STAM: variants seen among roughly 807,000 people sequenced by gnomAD.
STAM encodes the protein signal transducing adaptor molecule.
Under a neutral mutation model 63.4 loss-of-function variants are expected in STAM, and 16 were observed. That is an observed-to-expected ratio of 0.25 (90% CI 0.17 to 0.38). The LOEUF is 0.38. Among genes scored for constraint, STAM ranks in the 10% least tolerant of loss-of-function variants. STAM has a pLI of 1.00. For synonymous variants in STAM, 238 were observed against 223.9 expected (o/e 1.06, Z -0.56); for missense variants, 636 against 657.1 (o/e 0.97, Z 0.35).
chr10:17,678,218 C>T (rs1205447524), intron 2 of STAM, among the ~76,000 whole-genome samples: 3 of 151,836 alleles, frequency 2.0e-5, no homozygotes, highest in African/African-American at 4.8e-5. Flanking sequence ...TGGAGCTCTG[C>T]AATACATGTT....
chr10:17,647,780 T>A (rs1833575867), intron 1 of STAM, among the ~76,000 whole-genome samples: 1 of 152,210 alleles, frequency 6.6e-6, no homozygotes, highest in Admixed American at 6.5e-5. Flanking sequence ...AGTAAGATTT[T>A]AAAAAGAACC....
chr10:17,682,624 T>G (rs1346778081), intron 2 of STAM, among the ~76,000 whole-genome samples: 1 of 152,234 alleles, frequency 6.6e-6, no homozygotes, highest in African/African-American at 2.4e-5. Flanking sequence ...TTGTATGACT[T>G]TAGTCCTTTT....
chr10:17,663,316 A>T (rs549206283), intron 2 of STAM, among the ~76,000 whole-genome samples: 1 of 152,072 alleles, frequency 6.6e-6, no homozygotes, highest in African/African-American at 2.4e-5. Flanking sequence ...TTTATCCAGT[A>T]TCAATAGGTT....
At chr10:17,691,556 A>G (rs1210789210) in intron 5 of STAM, among the ~76,000 whole-genome samples, 1 of 152,202 alleles carries the variant, frequency 6.6e-6, no homozygotes, top group African/African-American at 2.4e-5. Flanking sequence ...TTGTTTGACA[A>G]CACGAAATCC....
intron 2 of STAM, among the ~76,000 whole-genome samples, chr10:17,665,927 G>A (rs1834356516): frequency 1.3e-5 from 2 of 152,104 alleles, no homozygotes; most frequent in Admixed American, 6.6e-5. Flanking sequence ...AGCCAATTAG[G>A]TCATATGATG....
intron 12 of STAM, among the ~76,000 whole-genome samples, chr10:17,708,084 G>A (rs1332082343): frequency 6.6e-6 from 1 of 152,098 alleles, no homozygotes; most frequent in Non-Finnish European, 1.5e-5. Context: ...TAGAGACGGG[G>A]TTTCACTGTG....
chr10:17,670,068 A>T (rs1834574508), intron 2 of STAM, among the ~76,000 whole-genome samples: 1 of 151,844 alleles, frequency 6.6e-6, no homozygotes, highest in Non-Finnish European at 1.5e-5. Context: ...GGATTATAGC[A>T]TCTGTGTATC....
rs1346734418 is a variant in STAM at position 17,716,634 on chromosome 10, T to C, written c.*1854T>C. 1.3e-5 allele frequency among the ~76,000 whole-genome samples: 2 copies of C among 152,230 alleles called. No individual in the cohort carries two copies. Among genetic ancestry groups the C allele is most frequent in the South Asian group, 2.1e-4 (1 of 4,836 alleles). On this transcript the variant is annotated 3_prime_UTR_variant, in exon 14 of 14. Transcript: ENST00000377524. Reference sequence around the variant, plus strand: ...TTCCTGTTTACCAATGTTAAATGTATCATTTTCCCATTTTAATTTTGATAT... The same window carrying C: ...TTCCTGTTTACCAATGTTAAATGTACCATTTTCCCATTTTAATTTTGATAT...
chr10:17,651,880 C>A (rs1417394414), intron 1 of STAM, among the ~76,000 whole-genome samples: 1 of 152,194 alleles, frequency 6.6e-6, no homozygotes, highest in African/African-American at 2.4e-5. Flanking sequence ...GTCCTCCTGT[C>A]AGCATTTCTT....
At chr10:17,679,917 G>A (rs917733873) in intron 2 of STAM, among the ~76,000 whole-genome samples, 5 of 151,776 alleles carry the variant, frequency 3.3e-5, no homozygotes, top group Non-Finnish European at 5.9e-5. Context: ...TTTCAGTGAG[G>A]TTGAGAGTAA....
chr10:17,696,599 T>C (rs1835769007), intron 7 of STAM, 176 bp from the exon 8 acceptor site: 3 of 553,824 alleles, frequency 5.4e-6, no homozygotes, highest in Non-Finnish European at 9.6e-6. Flanking sequence ...GAATAGCTTC[T>C]TACCTTTTCT....
chr10:17,714,125 G>A (rs1372921264), intron 13 of STAM, among the ~76,000 whole-genome samples: 3 of 152,078 alleles, frequency 2.0e-5, no homozygotes, highest in Non-Finnish European at 2.9e-5. Context: ...CTTAAGTATT[G>A]CCTTATTGGA....
At chr10:17,700,074 C>T (rs574627566) in intron 8 of STAM, 117 bp from the exon 9 acceptor site, 24 of 711,664 alleles carry the variant, frequency 3.4e-5, no homozygotes, top group Non-Finnish European at 5.2e-5. Context: ...TAAATTGCGC[C>T]TTTTAGCTTG....
intron 2 of STAM, among the ~76,000 whole-genome samples, chr10:17,671,193 C>T (rs1234146007): frequency 1.3e-5 from 2 of 152,206 alleles, no homozygotes; most frequent in Non-Finnish European, 2.9e-5. Context: ...ACATACTCCT[C>T]CTTCCTCCAA....
In STAM at chr10:17,675,335, C is replaced by G. The variant is rs148155945; in HGVS notation, c.126-9340C>G. On this transcript the variant is annotated intron_variant, in intron 2 of 13. Coordinates refer to ENST00000377524, the MANE Select transcript of STAM (RefSeq NM_003473.4). ...CCTGGCCAATGTGGTGAAACCCTGTCTCCACTAAAAATAAAAAAATCAGCT... is the reference window on the plus strand; with the variant it reads ...CCTGGCCAATGTGGTGAAACCCTGTGTCCACTAAAAATAAAAAAATCAGCT... Among the ~76,000 whole-genome samples the G allele has an allele frequency of 4.2e-3, 632 of 152,168 alleles. 1 individual carries two copies. Among genetic ancestry groups the G allele is most frequent in the Non-Finnish European group, 6.5e-3 (443 of 67,990 alleles).
chr10:17,673,971 A>C (rs905142192), intron 2 of STAM, among the ~76,000 whole-genome samples: 6 of 152,164 alleles, frequency 3.9e-5, no homozygotes, highest in African/African-American at 1.2e-4. Flanking sequence ...GATCTGTAGG[A>C]TGAGTAAGCG....
intron 7 of STAM, 87 bp downstream of exon 7, chr10:17,695,328 A>G (rs371407508): frequency 1.0e-5 from 13 of 1,243,780 alleles, no homozygotes; most frequent in African/African-American, 6.0e-5. Flanking sequence ...CAGTTACCAA[A>G]TACAATAATA....
chr10:17,692,454 C>T (rs1003183658), intron 5 of STAM, among the ~76,000 whole-genome samples: 3 of 152,056 alleles, frequency 2.0e-5, no homozygotes, highest in Non-Finnish European at 2.9e-5. Context: ...TGTAAAGTAC[C>T]GGTATAGAGA....
At chr10:17,671,895 T>C (rs1455979229) in intron 2 of STAM, among the ~76,000 whole-genome samples, 4 of 152,214 alleles carry the variant, frequency 2.6e-5, no homozygotes, top group Non-Finnish European at 4.4e-5. Flanking sequence ...TTTATTAATT[T>C]AGTAATATAT....
Sources: gnomAD v4.1 joint callset for allele counts (sites outside exome capture counted in the v4.1 genomes callset) on GRCh38, gnomAD v4.1.1 for gene constraint, MANE v1.5 for transcripts, NCBI Gene and HGNC (gene_info 2026-07-23, HGNC 2026-07-21) for gene names.